The following MYO5C variants were observed in gnomAD, a reference collection of about 807,000 sequenced individuals.
The protein encoded by MYO5C is unconventional myosin-Vc.
MYO5C carries 194 observed loss-of-function variants against 235.7 expected under a neutral mutation model. The ratio of observed to expected loss-of-function variants is 0.82; its 90% CI spans 0.73 to 0.93. The LOEUF is 0.93. Among genes scored for constraint, MYO5C ranks in the 40% least tolerant of loss-of-function variants. The pLI is 0.00. For synonymous variants in MYO5C, 707 were observed against 754.8 expected (o/e 0.94, Z 1.04); for missense variants, 2,038 against 2,127.2 (o/e 0.96, Z 0.82).
intron 40 of MYO5C, among the ~76,000 whole-genome samples, chr15:52,194,422 T>A (rs1219165584): frequency 6.6e-6 from 1 of 152,218 alleles, no homozygotes; most frequent in Non-Finnish European, 1.5e-5. Flanking sequence ...ATTCATGGGT[T>A]TGCAACCTTT....
chr15:52,290,626 G>GAA (rs36071351), intron 1 of MYO5C, among the ~76,000 whole-genome samples: 3 of 136,570 alleles, frequency 2.2e-5, no homozygotes, highest in Admixed American at 1.4e-4. Context: ...CAACCTTTAG[G>GAA]AAAAAAAAAA....
chr15:52,247,108 T>C, intron 15 of MYO5C, 94 bp from the exon 16 acceptor site: 1 of 1,107,158 alleles, frequency 9.0e-7, no homozygotes, highest in East Asian at 2.4e-5. Context: ...AGTTACTCAA[T>C]AGGAAGAAAA....
At chr15:52,267,720 T>G (rs1012473119) in intron 8 of MYO5C, among the ~76,000 whole-genome samples, 1 of 152,218 alleles carries the variant, frequency 6.6e-6, no homozygotes, top group Non-Finnish European at 1.5e-5. Flanking sequence ...TGGGTAACCT[T>G]AGATTCATAC....
chr15:52,259,877 G>T (rs901975339), intron 10 of MYO5C, among the ~76,000 whole-genome samples: 2 of 152,276 alleles, frequency 1.3e-5, no homozygotes, highest in South Asian at 4.1e-4. Flanking sequence ...CAGCAGGGCC[G>T]TGAAGGCCAG....
intron 29 of MYO5C, among the ~76,000 whole-genome samples, chr15:52,222,136 G>A (rs1566967562): frequency 6.6e-6 from 1 of 152,180 alleles, no homozygotes; most frequent in African/African-American, 2.4e-5. Context: ...ATGCTTGGTA[G>A]GTCAGGTGTA....
rs2037184353 is a variant in MYO5C, at chr15:52,282,706, A to T, written c.138+76T>A. 2.8e-5 allele frequency: 30 copies of T among 1,053,424 alleles called. No homozygotes were observed. The South Asian group carries it at 3.4e-4, about 12-fold the overall frequency. 65.3% of individuals were successfully genotyped at this position (1,053,424 alleles called of 1,614,324 possible). A position where few individuals can be genotyped will look rare whatever the true frequency, so the allele number is the denominator to read the frequency against. On this transcript the variant is annotated intron_variant, in intron 2 of 40. Coordinates refer to ENST00000261839, the MANE Select transcript of MYO5C (RefSeq NM_018728.4). ...CCCCTGGGTGCCTCCCACGGGGTCC[A>T]CGTGCTCCCATCCTTACACACACCC... is the stretch of plus-strand genomic sequence containing the variant.
intron 24 of MYO5C, 98 bp downstream of exon 24, chr15:52,232,524 C>G: frequency 1.7e-6 from 2 of 1,154,266 alleles, no homozygotes; most frequent in Non-Finnish European, 2.6e-6. Context: ...ACCCCACTTT[C>G]TTGTATCTGT....
chr15:52,223,478 G>T, intron 29 of MYO5C, 66 bp downstream of exon 29: 1 of 1,439,404 alleles, frequency 6.9e-7, no homozygotes, highest in Non-Finnish European at 9.4e-7. Context: ...AACTGAATTT[G>T]ACGCCACTGA....
chr15:52,277,919 C>T (rs1293427034), intron 4 of MYO5C: 3 of 456,008 alleles, frequency 6.6e-6, no homozygotes, highest in Non-Finnish European at 1.3e-5. Flanking sequence ...GTCCAGCTCA[C>T]AGACGAAGAC....
At chr15:52,222,096 C>T (rs140297620) in intron 29 of MYO5C, among the ~76,000 whole-genome samples, 1,884 of 152,260 alleles carry the variant, frequency 0.012, 25 homozygotes, top group Middle Eastern at 0.027. Context: ...GCATTCTGAG[C>T]ACGTTTAAGG....
chr15:52,278,368 C>A (rs7161988), intron 4 of MYO5C, among the ~76,000 whole-genome samples: 5 of 151,982 alleles, frequency 3.3e-5, no homozygotes, highest in Non-Finnish European at 1.5e-5. Context: ...AATGTGTGCA[C>A]GGTGCCTCAT....
intron 15 of MYO5C, 152 bp from the exon 16 acceptor site, chr15:52,247,166 C>T (rs1192241152): frequency 2.9e-6 from 2 of 691,956 alleles, no homozygotes; most frequent in Non-Finnish European, 4.9e-6. Flanking sequence ...CAGTCCGTGA[C>T]TGTGGTTTAT....
chr15:52,262,846 G>C (rs1886469424), intron 9 of MYO5C, among the ~76,000 whole-genome samples: 1 of 152,180 alleles, frequency 6.6e-6, no homozygotes, highest in African/African-American at 2.4e-5. Flanking sequence ...CTGAACATTT[G>C]TGTCCCTCCA....
intron 23 of MYO5C, among the ~76,000 whole-genome samples, chr15:52,234,184 TGG>T (rs2036028582): frequency 6.6e-6 from 1 of 152,254 alleles, no homozygotes; most frequent in Non-Finnish European, 1.5e-5. Flanking sequence ...TCAAGAGGAA[TGG>T]GATTATGTCC....
intron 4 of MYO5C, chr15:52,277,729 C>T (rs1232692736): frequency 2.5e-6 from 1 of 405,872 alleles, no homozygotes; most frequent in African/African-American, 2.1e-5. Flanking sequence ...GATGACGGCC[C>T]CACCCCAGGG....
At chr15:52,222,294 A>G (rs2035706268) in intron 29 of MYO5C, among the ~76,000 whole-genome samples, 1 of 152,220 alleles carries the variant, frequency 6.6e-6, no homozygotes, top group Non-Finnish European at 1.5e-5. Context: ...GTTTCATCCA[A>G]GGAATAAACA....
intron 36 of MYO5C, among the ~76,000 whole-genome samples, chr15:52,207,421 A>C (rs1314274699): frequency 3.3e-5 from 5 of 152,158 alleles, no homozygotes; most frequent in African/African-American, 9.7e-5. Context: ...GATTTTCTTT[A>C]CTTCTCCTTT....
At chr15:52,203,819 CT>C (rs2035241424) in intron 38 of MYO5C, among the ~76,000 whole-genome samples, 1 of 152,116 alleles carries the variant, frequency 6.6e-6, no homozygotes, top group Admixed American at 6.5e-5. Context: ...CATCCTTCTA[CT>C]CTCCATCTTT....
At chr15:52,260,183 G>C (rs1322104120) in intron 10 of MYO5C, among the ~76,000 whole-genome samples, 2 of 152,216 alleles carry the variant, frequency 1.3e-5, no homozygotes, top group Non-Finnish European at 2.9e-5. Flanking sequence ...TAGAAAAGGA[G>C]GACCAGGCAG....
Sources: gnomAD v4.1 joint callset for allele counts (sites outside exome capture counted in the v4.1 genomes callset) on GRCh38, gnomAD v4.1.1 for gene constraint, MANE v1.5 for transcripts, NCBI Gene and HGNC (gene_info 2026-07-23, HGNC 2026-07-21) for gene names.